MTHFD1: variants seen among roughly 807,000 people sequenced by gnomAD.
MTHFD1 encodes C-1-tetrahydrofolate synthase, cytoplasmic.
MTHFD1 carries 44 observed loss-of-function variants against 110.3 expected under a neutral mutation model. The observed-to-expected ratio is 0.40, with a 90% CI of 0.31 to 0.51. The LOEUF (loss-of-function observed/expected upper bound fraction) is 0.51, where lower values mean the gene tolerates loss of function less well. Among genes scored for constraint, MTHFD1 ranks in the 20% least tolerant of loss-of-function variants. The pLI is 0.60. For synonymous variants in MTHFD1, 402 were observed against 428.8 expected, an observed-to-expected ratio of 0.94 and a Z score of 0.77; for missense variants, 909 against 1,173.1, an observed-to-expected ratio of 0.77 and a Z score of 3.29.
intron 27 of MTHFD1, 167 bp downstream of exon 27, chr14:64,458,474 C>G: frequency 1.5e-6 from 1 of 662,082 alleles, no homozygotes; most frequent in South Asian, 1.7e-5. Context: ...TGGCAATAAC[C>G]AATGAATTGA....
At chr14:64,447,726 G>C (rs934365102) in intron 22 of MTHFD1, among the ~76,000 whole-genome samples, 1 of 151,998 alleles carries the variant, frequency 6.6e-6, no homozygotes, top group Non-Finnish European at 1.5e-5. Flanking sequence ...CAGTATTTAC[G>C]GCAGCCATAT....
chr14:64,438,948 T>G, intron 16 of MTHFD1, 148 bp from the exon 17 acceptor site: 1 of 709,360 alleles, frequency 1.4e-6, no homozygotes, highest in Non-Finnish European at 2.6e-6. Context: ...ATTTCTTAAC[T>G]TTAACACATA....
rs748457163 is a variant in MTHFD1, at chr14:64,442,420, G to GT, written c.2136+19dup. 1 of 1,613,586 alleles carries GT rather than the reference G, an allele frequency of 6.2e-7. No homozygotes were observed. ...GCCCCACGGTGAGTGGTGGGTTGAA[G>GT]TATCTGATTATCGGCAGTGTGCTGA... is the stretch of plus-strand genomic sequence containing the variant. On this transcript the variant is annotated intron_variant, in intron 21 of 27. Transcript: ENST00000652337.
At chr14:64,416,886 A>T (rs2078029954) in intron 6 of MTHFD1, among the ~76,000 whole-genome samples, 1 of 152,222 alleles carries the variant, frequency 6.6e-6, no homozygotes, top group Non-Finnish European at 1.5e-5. Flanking sequence ...AATCCTAAAA[A>T]GTATAGAAAG....
At chr14:64,451,793 G>A (rs1200681565) in intron 24 of MTHFD1, among the ~76,000 whole-genome samples, 1 of 152,180 alleles carries the variant, frequency 6.6e-6, no homozygotes, top group African/African-American at 2.4e-5. Flanking sequence ...CAACCAAAGT[G>A]CTTTTGCTTC....
intron 13 of MTHFD1, among the ~76,000 whole-genome samples, chr14:64,430,446 G>T (rs1298236194): frequency 6.6e-6 from 1 of 152,142 alleles, no homozygotes; most frequent in Non-Finnish European, 1.5e-5. Flanking sequence ...TTACAGGCAT[G>T]CACCACCACG....
rs1566567300 is a variant in MTHFD1 at position 64,431,595 on chromosome 14, G to A, written c.1375G>A (p.Ala459Thr). 6.2e-7 allele frequency: 1 copy of A among 1,614,154 alleles called. No homozygotes were observed. Among genetic ancestry groups the A allele is most frequent in the East Asian group, 2.2e-5 (1 of 44,878 alleles). Reference protein sequence around the residue: ...ITAANNLVAAAIDARIFHELT... With the variant: ...ITAANNLVAATIDARIFHELT... ...TGCAGCTAATAACCTCGTTGCTGCG[G>A]CCATTGATGCTCGGATATTTCATGA... The change falls in exon 14 of 28, where the codon GCC becomes ACC. Residue 459 changes from alanine (A) to threonine (T), a missense_variant. This residue lies in a region of MTHFD1 where 482 missense variants were observed against 646.0 expected (regional missense o/e 0.75). Transcript: ENST00000652337.
At chr14:64,441,499 A>G (rs370413358) in intron 19 of MTHFD1, 46 bp downstream of exon 19, 9 of 1,588,084 alleles carry the variant, frequency 5.7e-6, no homozygotes, top group Non-Finnish European at 7.8e-6. Context: ...TTGGACAGTC[A>G]GAGCAGAGTG....
At chr14:64,397,885 C>A (rs1329055646) in intron 1 of MTHFD1, among the ~76,000 whole-genome samples, 1 of 151,964 alleles carries the variant, frequency 6.6e-6, no homozygotes, top group African/African-American at 2.4e-5. Flanking sequence ...GTGTTTTTTT[C>A]TCTGTCATAA....
intron 13 of MTHFD1, among the ~76,000 whole-genome samples, chr14:64,430,510 C>A (rs1216575103): frequency 1.3e-5 from 2 of 150,262 alleles, no homozygotes; most frequent in Non-Finnish European, 2.9e-5. Flanking sequence ...GTTGGCCAAG[C>A]TGGTCTTGAA....
intron 22 of MTHFD1, 40 bp from the exon 23 acceptor site, chr14:64,448,177 A>G (rs1314654477): frequency 1.6e-5 from 24 of 1,464,818 alleles, no homozygotes; most frequent in Non-Finnish European, 2.0e-5. Context: ...GTGGTTTTCA[A>G]CTCTCTGATC....
chr14:64,407,544 C>CTTTTTTTTTTTTTTTTTTTTTTT (rs1252450612), intron 2 of MTHFD1, among the ~76,000 whole-genome samples: 1 of 65,044 alleles, frequency 1.5e-5, no homozygotes. Flanking sequence ...CTCACTCTCT[C>CTTTTTTTTTTTTTTTTTTTTTTT]TCTTTTTTTT....
chr14:64,454,980 A>G, intron 26 of MTHFD1, 105 bp downstream of exon 26: 1 of 1,216,916 alleles, frequency 8.2e-7, no homozygotes, highest in South Asian at 1.2e-5. Context: ...TTCACTGCCC[A>G]GAAGAAAATT....
chr14:64,449,333 GTTAGTGTTCGT>G, intron 23 of MTHFD1, 101 bp from the exon 24 acceptor site: 5 of 1,283,734 alleles, frequency 3.9e-6, no homozygotes, highest in Non-Finnish European at 5.6e-6. Context: ...AAATTTCTTG[GTTAGTGTTCGT>G]TTATCAGTGG....
At position 64,459,972 on chromosome 14, in the gene MTHFD1, A is replaced by G. The variant is rs1013463342; in HGVS notation, c.*218A>G. 7.4e-6 allele frequency: 11 copies of G among 1,486,656 alleles called. No homozygotes were observed. Among genetic ancestry groups the G allele is most frequent in the Admixed American group, 6.0e-5 (3 of 49,896 alleles). The allele number at this position is 1,486,656 out of a possible 1,614,324, so 92.1% of individuals were successfully genotyped here. A position where few individuals can be genotyped will look rare whatever the true frequency, so the allele number is the denominator to read the frequency against. ...TCATGCATGTCTGTTTACTTTAGTGACGTTCCACAGAATAAAAGGAAACAA... is the reference window on the plus strand; with the variant it reads ...TCATGCATGTCTGTTTACTTTAGTGGCGTTCCACAGAATAAAAGGAAACAA... On this transcript the variant is annotated 3_prime_UTR_variant, in exon 28 of 28. Transcript: ENST00000652337.
In MTHFD1 at chr14:64,391,027, T is replaced by C. The variant is rs1371880504; in HGVS notation, c.41+2559T>C. On this transcript the variant is annotated intron_variant, in intron 1 of 27. Coordinates refer to ENST00000652337, the MANE Select transcript of MTHFD1 (RefSeq NM_005956.4). Reference sequence around the variant, plus strand: ...AAATCATTTGAGGCCAGAAAAGTGATGTGATTTGTCCAAGGGTGAATGGCA... The same window carrying C: ...AAATCATTTGAGGCCAGAAAAGTGACGTGATTTGTCCAAGGGTGAATGGCA... Among the ~76,000 whole-genome samples the C allele has an allele frequency of 2.6e-5, 4 of 152,246 alleles. No individual in the cohort carries two copies. In the East Asian group the frequency reaches 7.7e-4, roughly 29 times the overall value.
At chr14:64,405,668 A>G (rs773359475) in intron 2 of MTHFD1, among the ~76,000 whole-genome samples, 24 of 152,112 alleles carry the variant, frequency 1.6e-4, no homozygotes, top group Non-Finnish European at 2.6e-4. Flanking sequence ...CCTCCCCTTG[A>G]TTCCTATTTC....
chr14:64,423,973 C>T (rs1310816333), intron 8 of MTHFD1, among the ~76,000 whole-genome samples: 1 of 152,112 alleles, frequency 6.6e-6, no homozygotes, highest in South Asian at 2.1e-4. Context: ...GTGATCCGCC[C>T]GCCTCGGCCT....
chr14:64,413,087 C>T (rs2077997181), intron 4 of MTHFD1, among the ~76,000 whole-genome samples: 1 of 152,036 alleles, frequency 6.6e-6, no homozygotes, highest in East Asian at 2.0e-4. Context: ...CACGGTGGCT[C>T]ATGCCTGTAA....
Sources: gnomAD v4.1 joint callset for allele counts (sites outside exome capture counted in the v4.1 genomes callset) on GRCh38, gnomAD v4.1.1 for gene constraint, gnomAD v4.1.1 regional missense constraint, MANE v1.5 for transcripts, NCBI Gene and HGNC (gene_info 2026-07-23, HGNC 2026-07-21) for gene names.